The following PBRM1 variants were observed in gnomAD, a reference collection of about 807,000 sequenced individuals.
The protein encoded by PBRM1 is polybromo 1.
Under a neutral mutation model 194.5 loss-of-function variants are expected in PBRM1, and 27 were observed. The ratio of observed to expected loss-of-function variants is 0.14; its 90% CI spans 0.10 to 0.19. PBRM1 has a LOEUF of 0.19. Ranked by LOEUF, PBRM1 falls within the 10% of genes least tolerant of loss-of-function variation. The pLI, the probability that PBRM1 is intolerant of heterozygous loss-of-function variation, is 1.00. For synonymous variants in PBRM1, 655 were observed against 693.2 expected (o/e 0.94, Z 0.87); for missense variants, 1,466 against 2,077.2 (o/e 0.71, Z 5.72).
At chr3:52,628,473 T>C (rs1470671455) in intron 12 of PBRM1, among the ~76,000 whole-genome samples, 3 of 104,620 alleles carry the variant, frequency 2.9e-5, no homozygotes, top group Non-Finnish European at 5.9e-5. Flanking sequence ...ATATTATATA[T>C]ATTGTTTGTT....
At chr3:52,581,706 C>T (rs1407732179) in intron 20 of PBRM1, among the ~76,000 whole-genome samples, 1 of 151,584 alleles carries the variant, frequency 6.6e-6, no homozygotes, top group African/African-American at 2.4e-5. Context: ...GGCGCAATCC[C>T]GGCTCACTGC....
chr3:52,599,163 C>T (rs2093798316), intron 17 of PBRM1, among the ~76,000 whole-genome samples: 1 of 152,076 alleles, frequency 6.6e-6, no homozygotes, highest in Non-Finnish European at 1.5e-5. Context: ...GCACTCTAGC[C>T]TGGGTGACAG....
chr3:52,616,323 G>A (rs1043872644), intron 14 of PBRM1, among the ~76,000 whole-genome samples: 4 of 152,130 alleles, frequency 2.6e-5, no homozygotes, highest in African/African-American at 9.7e-5. Flanking sequence ...GATGTAAAGT[G>A]GATAAAAAGA....
upstream of PBRM1, among the ~76,000 whole-genome samples, chr3:52,680,013 G>C (rs2097175740): frequency 6.6e-6 from 1 of 151,968 alleles, no homozygotes; most frequent in South Asian, 2.1e-4. Flanking sequence ...TCCAAATTTG[G>C]CCTAGAGTTT....
chr3:52,561,293 T>C (rs373925228), intron 25 of PBRM1, among the ~76,000 whole-genome samples: 39 of 152,328 alleles, frequency 2.6e-4, no homozygotes, highest in East Asian at 2.1e-3. Context: ...AGACACAGTA[T>C]AGGCCAGGAC....
chr3:52,577,636 T>C (rs1294022371), intron 21 of PBRM1, among the ~76,000 whole-genome samples: 1 of 152,088 alleles, frequency 6.6e-6, no homozygotes, highest in Non-Finnish European at 1.5e-5. Flanking sequence ...ACAGGAGTCA[T>C]CCTTGACTTT....
chr3:52,550,915 C>T (rs2080821481), intron 27 of PBRM1, 98 bp from the exon 30 acceptor site: 1 of 731,888 alleles, frequency 1.4e-6, no homozygotes, highest in Non-Finnish European at 2.3e-6. Context: ...TAATTCAAAC[C>T]TATGTACCTC....
chr3:52,577,063 T>C (rs2089831055), intron 21 of PBRM1, among the ~76,000 whole-genome samples: 1 of 152,170 alleles, frequency 6.6e-6, no homozygotes, highest in Admixed American at 6.6e-5. Flanking sequence ...AAAACATCAA[T>C]ATTTGGGGTC....
chr3:52,578,921 G>T, intron 21 of PBRM1, 133 bp downstream of exon 23: 2 of 814,620 alleles, frequency 2.5e-6, no homozygotes, highest in Non-Finnish European at 4.3e-6. Flanking sequence ...GGTTGGAGGG[G>T]AACATGGTGT....
At position 52,664,310 on chromosome 3, in the gene PBRM1, C is replaced by T. The variant is rs2590839; in HGVS notation, c.385-2034G>A. Among the ~76,000 whole-genome samples, 6 of 143,810 alleles carry T rather than the reference C, an allele frequency of 4.2e-5. No homozygotes were observed. In the East Asian group the frequency reaches 8.6e-4, roughly 21 times the overall value. 94.3% of individuals were successfully genotyped at this position (143,810 alleles called of 152,430 possible). On this transcript the variant is annotated intron_variant, in intron 3 of 29. Coordinates refer to ENST00000296302, the Ensembl canonical transcript of PBRM1. ...AACAATGAGCAAAGTCCTACAGACT[C>T]TAAAAAAGACGCTACTTCCTATATG...
upstream of PBRM1, chr3:52,681,272 C>T (rs1246592148): frequency 1.3e-5 from 2 of 151,848 alleles, no homozygotes; most frequent in African/African-American, 2.4e-5. Context: ...ATTTGAAAAT[C>T]CTGGTGAGCA....
chr3:52,567,067 C>CAAA (rs936466298), intron 22 of PBRM1, among the ~76,000 whole-genome samples: 128 of 59,968 alleles, frequency 2.1e-3, no homozygotes, highest in Non-Finnish European at 4.0e-3. Context: ...GACTCCATCT[C>CAAA]AAAAAAAAAA....
chr3:52,680,453 T>C (rs1362288261), upstream of PBRM1, among the ~76,000 whole-genome samples: 2 of 152,200 alleles, frequency 1.3e-5, no homozygotes, highest in East Asian at 1.9e-4. Flanking sequence ...CACCTTTTAG[T>C]GATATGACAT....
exon 30 of PBRM1, chr3:52,548,013 C>A (rs757324961): frequency 6.6e-7 from 1 of 1,514,470 alleles, no homozygotes. Flanking sequence ...AAAATGGCTA[C>A]TGATCCACAA....
intron 5 of PBRM1, among the ~76,000 whole-genome samples, chr3:52,653,443 G>C (rs1236642919): frequency 6.6e-6 from 1 of 151,660 alleles, no homozygotes; most frequent in African/African-American, 2.4e-5. Context: ...TTCAAAATTA[G>C]CCTGGTATGT....
intron 25 of PBRM1, among the ~76,000 whole-genome samples, chr3:52,559,074 A>T (rs949314454): frequency 6.6e-6 from 1 of 152,232 alleles, no homozygotes; most frequent in Non-Finnish European, 1.5e-5. Flanking sequence ...TTCAGGCTAC[A>T]ATCATCAGAA....
intron 11 of PBRM1, among the ~76,000 whole-genome samples, chr3:52,632,250 T>C (rs2095641821): frequency 6.6e-6 from 1 of 152,200 alleles, no homozygotes; most frequent in Non-Finnish European, 1.5e-5. Context: ...TCCAAAAATA[T>C]ACTCCATGAC....
chr3:52,567,096 A>G (rs913633108), intron 22 of PBRM1, among the ~76,000 whole-genome samples: 13 of 151,252 alleles, frequency 8.6e-5, no homozygotes, highest in African/African-American at 3.2e-4. Flanking sequence ...GGTTAAAATG[A>G]TGAATTCTAT....
At chr3:52,576,494 AT>A (rs2153657421) in intron 22 of PBRM1, 46 bp downstream of exon 24, 1 of 1,481,586 alleles carries the variant, frequency 6.7e-7, no homozygotes. Flanking sequence ...TATTCCATCA[AT>A]TTTGATGGAA....
Sources: gnomAD v4.1 joint callset for allele counts (sites outside exome capture counted in the v4.1 genomes callset) on GRCh38, gnomAD v4.1.1 for gene constraint, MANE v1.5 for transcripts, NCBI Gene and HGNC (gene_info 2026-07-23, HGNC 2026-07-21) for gene names.